The following EYS variants were observed in gnomAD, a reference collection of about 807,000 sequenced individuals.
The protein encoded by EYS is EGF-like photoreceptor maintenance factor, also known as protein eyes shut homolog.
EYS carries 250 observed loss-of-function variants against 282.1 expected under a neutral mutation model. That is an observed-to-expected ratio of 0.89 (90% CI 0.80 to 0.98). EYS has a LOEUF of 0.98. Ranked by LOEUF, EYS falls within the 50% of genes least tolerant of loss-of-function variation. EYS has a pLI of 0.00. For missense variants in EYS, 4,016 were observed against 3,709.0 expected (o/e 1.08, Z -2.15); for synonymous variants, 1,355 against 1,282.9 (o/e 1.06, Z -1.20).
chr6:64,286,148 A>AC (rs1768491840), intron 30 of EYS, among the ~76,000 whole-genome samples: 2 of 152,182 alleles, frequency 1.3e-5, no homozygotes, highest in Admixed American at 1.3e-4. Context: ...TACCCAGGAA[A>AC]CCCCGACAGC....
intron 19 of EYS, among the ~76,000 whole-genome samples, chr6:64,858,875 A>G (rs1766150878): frequency 6.6e-6 from 1 of 152,172 alleles, no homozygotes; most frequent in Admixed American, 6.5e-5. Context: ...CATATAGCTA[A>G]CATCATTCTC....
intron 1 of EYS, among the ~76,000 whole-genome samples, chr6:65,665,652 G>T (rs1350251432): frequency 6.6e-6 from 1 of 151,992 alleles, no homozygotes; most frequent in Admixed American, 6.6e-5. Flanking sequence ...GTGTGAAGGT[G>T]TCCAGTGAGC....
chr6:64,364,793 T>C (rs1284822824), intron 29 of EYS, among the ~76,000 whole-genome samples: 1 of 151,902 alleles, frequency 6.6e-6, no homozygotes, highest in Admixed American at 6.6e-5. Context: ...ATACTTCCTA[T>C]TGTGTACAAT....
intron 19 of EYS, among the ~76,000 whole-genome samples, chr6:64,835,331 G>C (rs550022801): frequency 2.8e-4 from 42 of 151,802 alleles, no homozygotes; most frequent in Non-Finnish European, 5.8e-4. Flanking sequence ...ATAAGGATGA[G>C]GAGAGGCAAT....
chr6:65,528,345 G>A (rs185412264), intron 2 of EYS, among the ~76,000 whole-genome samples: 39 of 152,274 alleles, frequency 2.6e-4, no homozygotes, highest in African/African-American at 9.4e-4. Flanking sequence ...CAGACAAAAT[G>A]TATTTGCTGT....
intron 31 of EYS, among the ~76,000 whole-genome samples, chr6:64,213,136 G>T (rs2150328702): frequency 6.6e-6 from 1 of 152,092 alleles, no homozygotes; most frequent in East Asian, 1.9e-4. Flanking sequence ...TAACTAATGG[G>T]TATTAGCCTT....
chr6:64,422,681 T>C (rs943191959), intron 28 of EYS, among the ~76,000 whole-genome samples: 3 of 152,224 alleles, frequency 2.0e-5, no homozygotes, highest in African/African-American at 7.2e-5. Flanking sequence ...ATTAGTGTAA[T>C]AGAACCTATT....
At chr6:64,422,958 A>G (rs1430956143) in intron 28 of EYS, among the ~76,000 whole-genome samples, 1 of 140,728 alleles carries the variant, frequency 7.1e-6, no homozygotes. Flanking sequence ...CTATAGGCAT[A>G]TAAAATACTT....
chr6:65,378,216 G>A (rs57052342), intron 8 of EYS, among the ~76,000 whole-genome samples: 236 of 152,218 alleles, frequency 1.6e-3, no homozygotes, highest in African/African-American at 5.4e-3. Context: ...ATCAAAAAGT[G>A]TGTGAAGGAT....
rs969803821 is a variant in EYS at position 63,835,458 on chromosome 6, T to A, written c.7228+28728A>T. 2.6e-5 allele frequency among the ~76,000 whole-genome samples: 4 copies of A among 152,008 alleles called. No individual in the cohort carries two copies. The East Asian group carries it at 7.7e-4, about 29-fold the overall frequency. On this transcript the variant is annotated intron_variant, in intron 36 of 42. Transcript: ENST00000503581. ...AATTAGAAACTATTAATTCTTTCGT[T>A]CTTTAAGTGACGTAACTCAGGAATG...
chr6:65,456,012 A>AGAAG (rs151064277), intron 5 of EYS, among the ~76,000 whole-genome samples: 4 of 101,574 alleles, frequency 3.9e-5, no homozygotes, highest in South Asian at 3.0e-4. Flanking sequence ...AAAGAAAGAA[A>AGAAG]GAAGGAAGGA....
chr6:65,628,874 T>C (rs10455583), intron 2 of EYS, among the ~76,000 whole-genome samples: 54,146 of 152,116 alleles, frequency 0.36, 12,034 homozygotes, highest in Non-Finnish European at 0.49. Context: ...CACAGTACTA[T>C]AGGAAAGAGA....
At chr6:64,713,845 G>A (rs150600935) in intron 22 of EYS, among the ~76,000 whole-genome samples, 1 of 152,210 alleles carries the variant, frequency 6.6e-6, no homozygotes, top group African/African-American at 2.4e-5. Context: ...CTGGATTCCT[G>A]GAAGGGGACT....
intron 22 of EYS, among the ~76,000 whole-genome samples, chr6:64,731,218 G>A (rs1388780424): frequency 1.3e-5 from 2 of 151,852 alleles, no homozygotes; most frequent in African/African-American, 2.4e-5. Context: ...CATAGGCATG[G>A]GCAAAGACTA....
intron 2 of EYS, among the ~76,000 whole-genome samples, chr6:65,542,507 GTGTT>G (rs1768206397): frequency 7.1e-6 from 1 of 141,192 alleles, no homozygotes; most frequent in African/African-American, 2.6e-5. Context: ...GTGTGTGTGT[GTGTT>G]ATGTTTGGAA....
intron 2 of EYS, among the ~76,000 whole-genome samples, chr6:65,553,361 A>T (rs9354265): frequency 1.3e-5 from 2 of 151,898 alleles, no homozygotes; most frequent in African/African-American, 4.8e-5. Flanking sequence ...TGTTTTGTTC[A>T]ATAAAAGGAA....
chr6:65,053,877 A>G (rs993507316), intron 13 of EYS, among the ~76,000 whole-genome samples: 2 of 151,966 alleles, frequency 1.3e-5, no homozygotes, highest in South Asian at 2.1e-4. Flanking sequence ...CTAAAAATTT[A>G]CCAACTTAAT....
intron 1 of EYS, among the ~76,000 whole-genome samples, chr6:65,699,691 A>T (rs1390943939): frequency 6.6e-6 from 1 of 152,212 alleles, no homozygotes; most frequent in African/African-American, 2.4e-5. Flanking sequence ...AAATGACAGG[A>T]AGCCCAAGTG....
intron 26 of EYS, among the ~76,000 whole-genome samples, chr6:64,450,061 C>A (rs555682227): frequency 1.9e-4 from 29 of 151,888 alleles, no homozygotes; most frequent in Non-Finnish European, 3.4e-4. Flanking sequence ...CACAACCTGG[C>A]AAATTGGATA....
Sources: gnomAD v4.1 joint callset for allele counts (sites outside exome capture counted in the v4.1 genomes callset) on GRCh38, gnomAD v4.1.1 for gene constraint, MANE v1.5 for transcripts, NCBI Gene and HGNC (gene_info 2026-07-23, HGNC 2026-07-21) for gene names.